Variants in ATG4B observed in about 807,000 individuals in gnomAD.
ATG4B encodes the protein cysteine protease ATG4B.
In ATG4B, 29 loss-of-function variants were observed where a neutral mutation model predicts 56.6. The observed-to-expected ratio is 0.51, with a 90% confidence interval of 0.38 to 0.70. The LOEUF (loss-of-function observed/expected upper bound fraction) is 0.70, where lower values mean the gene tolerates loss of function less well. Among genes scored for constraint, ATG4B ranks in the 30% least tolerant of loss-of-function variants. ATG4B has a pLI of 0.00. For missense variants in ATG4B, 461 were observed against 515.5 expected, an observed-to-expected ratio of 0.89 and a Z score of 1.02; for synonymous variants, 224 against 206.1, an observed-to-expected ratio of 1.09 and a Z score of -0.74.
chr2:241,651,993 T>A lies in ATG4B; in HGVS notation c.184+658T>A. The A allele has an allele frequency of 7.7e-7, 1 of 1,301,966 alleles. No individual in the cohort carries two copies. Among genetic ancestry groups the A allele is most frequent in the Non-Finnish European group, 1.0e-6 (1 of 987,220 alleles). The allele number at this position is 1,301,966 out of a possible 1,614,324, so 80.7% of individuals were successfully genotyped here. On this transcript the variant is annotated intron_variant, in intron 3 of 12. Coordinates refer to ENST00000404914, the MANE Select transcript of ATG4B (RefSeq NM_013325.5). The surrounding 1 kb of genome is among the most constrained non-coding windows in gnomAD (Gnocchi z 4.1). The stretch of plus-strand genomic sequence containing the variant: ...GCCGGAGGTGAGGGCCGGGCTGGCG[T>A]CATGCTTCCTCAGTGCCAGGTCAGG...
chr2:241,640,413 G>A (rs1295653683), intron 1 of ATG4B, among the ~76,000 whole-genome samples: 2 of 152,188 alleles, frequency 1.3e-5, no homozygotes, highest in African/African-American at 4.8e-5. Flanking sequence ...GATCTCTAGA[G>A]TTCTTGAAGA....
intron 1 of ATG4B, among the ~76,000 whole-genome samples, chr2:241,639,666 C>G (rs1370784940): frequency 1.3e-5 from 2 of 152,154 alleles, no homozygotes; most frequent in East Asian, 3.9e-4. Context: ...GGTGGTCTTC[C>G]ACCCAAAGTC....
At chr2:241,648,420 C>T (rs1575063605) in intron 1 of ATG4B, among the ~76,000 whole-genome samples, 1 of 151,986 alleles carries the variant, frequency 6.6e-6, no homozygotes, top group Admixed American at 6.6e-5. Context: ...CATGATTAGA[C>T]CTCATCTCTA....
chr2:241,646,394 GACTGTT>G (rs1192761275), intron 1 of ATG4B, among the ~76,000 whole-genome samples: 3 of 152,134 alleles, frequency 2.0e-5, no homozygotes, highest in African/African-American at 7.2e-5. Flanking sequence ...TGTTACTGCA[GACTGTT>G]ACTGATTCAA....
Position 241,668,608 on chromosome 2 carries a change from A to C in ATG4B, c.880A>C (p.Ile294Leu), listed in dbSNP as rs551846104. Residue 294 changes from isoleucine (I) to leucine (L), a missense_variant, in exon 10 of 13, where the codon ATC (isoleucine) becomes CTC (leucine). Coordinates refer to ENST00000404914, the MANE Select transcript of ATG4B (RefSeq NM_013325.5). This position sits in a 1 kb window ranked among gnomAD's most constrained non-coding sequence, Gnocchi z 4.2. ...CGTGGAGCCCACTGATGGCTGCTTC[A>C]TCCCGGACGAGAGCTTCCACTGCCA... is the stretch of plus-strand genomic sequence containing the variant. Reference protein sequence around the residue: ...PAVEPTDGCFIPDESFHCQHP... With the variant: ...PAVEPTDGCFLPDESFHCQHP... 3 of 1,596,524 alleles carry C rather than the reference A, an allele frequency of 1.9e-6. No homozygotes were observed. Among genetic ancestry groups the C allele is most frequent in the South Asian group, 2.3e-5 (2 of 88,502 alleles).
At chr2:241,650,862 T>C in intron 1 of ATG4B, 148 bp from the exon 2 acceptor site, 1 of 673,434 alleles carries the variant, frequency 1.5e-6, no homozygotes, top group Non-Finnish European at 2.5e-6. Context: ...GTGGGTGTCT[T>C]GGTAGGCCCG....
At chr2:241,645,204 A>C (rs2068027799) in intron 1 of ATG4B, among the ~76,000 whole-genome samples, 1 of 152,130 alleles carries the variant, frequency 6.6e-6, no homozygotes, top group African/African-American at 2.4e-5. Context: ...CCTAGAGTAC[A>C]GGGAAGACCT....
Position 241,668,358 on chromosome 2 carries a change from G to T in ATG4B, c.811+137G>T, listed in dbSNP as rs1347375497. 4 of 1,362,398 alleles carry T rather than the reference G, an allele frequency of 2.9e-6. No homozygotes were observed. The highest frequency in any genetic ancestry group is 2.0e-5 in the Admixed American group (1 of 48,960). 84.4% of individuals were successfully genotyped at this position (1,362,398 alleles called of 1,614,324 possible). A position where few individuals can be genotyped will look rare whatever the true frequency, so the allele number is the denominator to read the frequency against. On this transcript the variant is annotated intron_variant, in intron 9 of 12. Coordinates refer to ENST00000404914, the MANE Select transcript of ATG4B (RefSeq NM_013325.5). The surrounding 1 kb of genome is among the most constrained non-coding windows in gnomAD (Gnocchi z 4.2). ...ATGCCCTGGGGTTCATTTTCAGCCT[G>T]GTCGCGGGCGGCCTCCTGTGTGCCC...
At position 241,672,534 on chromosome 2, in the gene ATG4B, G is replaced by A. The variant is rs893754435; in HGVS notation, c.*270G>A. ...GCTTCCAGAGTGTTCTCTCGACACTGCCAGCCCCGTGTTAGCACCTGGGCC... is the reference window on the plus strand; with the variant it reads ...GCTTCCAGAGTGTTCTCTCGACACTACCAGCCCCGTGTTAGCACCTGGGCC... On this transcript the variant is annotated 3_prime_UTR_variant, in exon 13 of 13. Coordinates refer to ENST00000404914, the MANE Select transcript of ATG4B (RefSeq NM_013325.5). The A allele has an allele frequency of 3.5e-5, 17 of 489,456 alleles. No homozygotes were observed. In the East Asian group the frequency reaches 3.9e-4, roughly 11 times the overall value. The allele number at this position is 489,456 out of a possible 1,614,324, so 30.3% of individuals were successfully genotyped here.
In ATG4B at chr2:241,637,693, A is replaced by T. The variant is rs560619512; in HGVS notation, c.-22A>T. ...CCGTCGGAGCGACGCCGCTCGGGTC[A>T]GTCGGCGGCCGGACTGGGAAGATGG... is the stretch of plus-strand genomic sequence containing the variant. On this transcript the variant is annotated 5_prime_UTR_variant, in exon 1 of 13. Transcript: ENST00000404914. 30 of 1,584,172 alleles carry T rather than the reference A, an allele frequency of 1.9e-5. No individual in the cohort carries two copies. Among genetic ancestry groups the T allele is most frequent in the Non-Finnish European group, 2.5e-5 (29 of 1,167,996 alleles).
At chr2:241,653,329 C>T (rs1374430053) in intron 3 of ATG4B, 183 bp from the exon 4 acceptor site, 10 of 1,549,272 alleles carry the variant, frequency 6.5e-6, no homozygotes, top group South Asian at 1.2e-5. Flanking sequence ...ACATTTCACT[C>T]TCCAGTAAAT....
chr2:241,664,395 G>A (rs1052667348), intron 7 of ATG4B, among the ~76,000 whole-genome samples: 15 of 152,128 alleles, frequency 9.9e-5, no homozygotes, highest in African/African-American at 2.4e-4. Context: ...AAAACTAGCC[G>A]GACATGGGGG....
rs1348439792 is a variant in ATG4B, at chr2:241,668,862, G to A, written c.957+177G>A. 1.1e-5 allele frequency: 10 copies of A among 892,068 alleles called. No homozygotes were observed. The highest frequency in any genetic ancestry group is 3.3e-4 in the Middle Eastern group (1 of 2,992). 55.3% of individuals were successfully genotyped at this position (892,068 alleles called of 1,614,324 possible). On this transcript the variant is annotated intron_variant, in intron 10 of 12. Transcript: ENST00000404914. This position sits in a 1 kb window ranked among gnomAD's most constrained non-coding sequence, Gnocchi z 4.2. The stretch of plus-strand genomic sequence containing the variant: ...CGGAACTGTGTCCTTGCACCCTCAC[G>A]TCCCTCCCCCAGGCACCACCTCCTG...
At chr2:241,640,028 A>G (rs536288467) in intron 1 of ATG4B, among the ~76,000 whole-genome samples, 75 of 152,276 alleles carry the variant, frequency 4.9e-4, no homozygotes, top group Admixed American at 4.9e-3. Context: ...TCCTGCCTCT[A>G]TCATTTCGAT....
At chr2:241,641,647 A>G (rs1443617546) in intron 1 of ATG4B, among the ~76,000 whole-genome samples, 1 of 151,982 alleles carries the variant, frequency 6.6e-6, no homozygotes, top group Non-Finnish European at 1.5e-5. Flanking sequence ...TGTGTGTTGA[A>G]TGTGAGGTGG....
At chr2:241,640,523 T>C (rs942401808) in intron 1 of ATG4B, among the ~76,000 whole-genome samples, 33 of 152,234 alleles carry the variant, frequency 2.2e-4, no homozygotes, top group African/African-American at 7.5e-4. Flanking sequence ...TTAGGCATTG[T>C]TCTAGACACT....
chr2:241,660,367 C>G (rs149865931), intron 7 of ATG4B, among the ~76,000 whole-genome samples: 7,664 of 152,266 alleles, frequency 0.05, 377 homozygotes, highest in African/African-American at 0.13. Flanking sequence ...GTCTGGCCAT[C>G]CTCGGGGGCA....
At chr2:241,670,528 G>A (rs1417999285) in intron 10 of ATG4B, 198 bp from the exon 11 acceptor site, 3 of 615,436 alleles carry the variant, frequency 4.9e-6, no homozygotes, top group Non-Finnish European at 8.7e-6. Context: ...AGGGGAGCCG[G>A]GCACTGGTGC....
chr2:241,669,397 G>A (rs2068886200), intron 10 of ATG4B, among the ~76,000 whole-genome samples: 2 of 152,322 alleles, frequency 1.3e-5, no homozygotes, highest in South Asian at 2.1e-4. Context: ...GAAATGGGAC[G>A]GTCTCTGAGC....
Sources: gnomAD v4.1 joint callset for allele counts (sites outside exome capture counted in the v4.1 genomes callset) on GRCh38, gnomAD v4.1.1 for gene constraint, Gnocchi (gnomAD v3.1) non-coding constraint, MANE v1.5 for transcripts, NCBI Gene and HGNC (gene_info 2026-07-23, HGNC 2026-07-21) for gene names.